The following ARHGAP15 variants were observed in gnomAD, a reference collection of about 807,000 sequenced individuals.
ARHGAP15 encodes the protein rho GTPase-activating protein 15.
Under a neutral mutation model 63.7 loss-of-function variants are expected in ARHGAP15, and 51 were observed. The ratio of observed to expected loss-of-function variants is 0.80; its 90% CI spans 0.64 to 1.01. The LOEUF is 1.01. ARHGAP15 is among the 50% of genes least tolerant of loss of function. ARHGAP15 has a pLI of 0.00. For missense variants in ARHGAP15, 560 were observed against 564.6 expected, an observed-to-expected ratio of 0.99 and a Z score of 0.08; for synonymous variants, 191 against 193.8, an observed-to-expected ratio of 0.99 and a Z score of 0.12.
chr2:143,666,317 G>A (rs1178316902), intron 12 of ARHGAP15, among the ~76,000 whole-genome samples: 1 of 151,674 alleles, frequency 6.6e-6, no homozygotes, highest in Admixed American at 6.6e-5. Context: ...AAGCAATGGG[G>A]AAAGGATTCC....
At chr2:143,484,432 T>C (rs1692227480) in intron 8 of ARHGAP15, among the ~76,000 whole-genome samples, 1 of 151,820 alleles carries the variant, frequency 6.6e-6, no homozygotes, top group Non-Finnish European at 1.5e-5. Flanking sequence ...CTCGGGAGGC[T>C]GAGGCACGAG....
intron 6 of ARHGAP15, among the ~76,000 whole-genome samples, chr2:143,294,069 C>T (rs1362907215): frequency 6.6e-6 from 1 of 151,994 alleles, no homozygotes; most frequent in Admixed American, 6.6e-5. Flanking sequence ...TGATCATCTC[C>T]TCTAAGCCCT....
At chr2:143,469,733 T>G (rs1691425293) in intron 8 of ARHGAP15, among the ~76,000 whole-genome samples, 1 of 152,256 alleles carries the variant, frequency 6.6e-6, no homozygotes. Flanking sequence ...ACAAATTTTA[T>G]ATTGCTTCCA....
At position 143,606,065 on chromosome 2, in the gene ARHGAP15, AAAAAAG is replaced by A. The variant is rs1276576641; in HGVS notation, c.1004-18067_1004-18062del. 1.4e-3 allele frequency among the ~76,000 whole-genome samples: 61 copies of A among 45,074 alleles called. 9 individuals are homozygous for A. Among genetic ancestry groups the A allele is most frequent in the Middle Eastern group, 0.011 (1 of 88 alleles). The allele number at this position is 45,074 out of a possible 152,430, so 29.6% of individuals were successfully genotyped here. A position where few individuals can be genotyped will look rare whatever the true frequency, so the allele number is the denominator to read the frequency against. ...AAAAAAAAAAAAAAAAAAAAAAAAA[AAAAAAG>A]CCATACATCTGTCTCTTTCGCTACC... On this transcript the variant is annotated intron_variant, in intron 11 of 13. Coordinates refer to ENST00000295095, the MANE Select transcript of ARHGAP15 (RefSeq NM_018460.4).
chr2:143,209,393 T>G (rs1041751283), intron 3 of ARHGAP15, among the ~76,000 whole-genome samples: 1 of 152,170 alleles, frequency 6.6e-6, no homozygotes, highest in Non-Finnish European at 1.5e-5. Flanking sequence ...TGTATATTAA[T>G]TCAAGTATTT....
At chr2:143,688,976 G>GT (rs1204016042) in intron 12 of ARHGAP15, among the ~76,000 whole-genome samples, 1 of 152,082 alleles carries the variant, frequency 6.6e-6, no homozygotes, top group East Asian at 1.9e-4. Flanking sequence ...TATTGAGGTA[G>GT]TTTTTTAACT....
rs560595071 is a variant in ARHGAP15, at chr2:143,144,353, C to T, written c.-14-11124C>T. On this transcript the variant is annotated intron_variant, in intron 1 of 13. Transcript: ENST00000295095. ...CATACTGTCTTTTACAATGGTTAAA[C>T]TAATTTGTACTCCCACCAACAGTGT... Among the ~76,000 whole-genome samples the T allele has an allele frequency of 7.2e-5, 11 of 152,106 alleles. No homozygotes were observed. In the South Asian group the frequency reaches 2.3e-3, roughly 32 times the overall value.
chr2:143,290,869 C>T (rs1340741044), intron 6 of ARHGAP15, among the ~76,000 whole-genome samples: 3 of 152,018 alleles, frequency 2.0e-5, no homozygotes, highest in South Asian at 2.1e-4. Flanking sequence ...GTATGATAGC[C>T]GGCAGCAGGT....
At chr2:143,346,210 ACACTCTCTCTCACACACACTCT>A (rs1558909579) in intron 6 of ARHGAP15, among the ~76,000 whole-genome samples, 16 of 134,054 alleles carry the variant, frequency 1.2e-4, no homozygotes, top group Non-Finnish European at 3.2e-5. Flanking sequence ...TCTCACACAC[ACACTCTCTCTCACACACACTCT>A]CTCTCACACA....
intron 5 of ARHGAP15, among the ~76,000 whole-genome samples, chr2:143,239,822 C>T (rs1372803945): frequency 6.6e-6 from 1 of 151,826 alleles, no homozygotes; most frequent in African/African-American, 2.4e-5. Context: ...GAAACCCCAT[C>T]TCTACTAAAA....
intron 9 of ARHGAP15, among the ~76,000 whole-genome samples, chr2:143,488,386 T>A (rs1236975456): frequency 6.6e-6 from 1 of 152,226 alleles, no homozygotes; most frequent in African/African-American, 2.4e-5. Context: ...AACCAGTGAT[T>A]AGTATATTTC....
intron 6 of ARHGAP15, among the ~76,000 whole-genome samples, chr2:143,395,982 C>CA (rs1403579411): frequency 1.3e-5 from 2 of 151,988 alleles, no homozygotes; most frequent in Non-Finnish European, 2.9e-5. Context: ...TGATGCTAGT[C>CA]AAAATCAGAA....
rs900879361 is a variant in ARHGAP15 at position 143,363,247 on chromosome 2, TAG to T, written c.475-72352_475-72351del. The stretch of plus-strand genomic sequence containing the variant: ...TTTTGTCCCTACTGTTTCTTCTGTC[TAG>T]AAAACTCTTGCCCAGGTGGGGTGGC... On this transcript the variant is annotated intron_variant, in intron 6 of 13. Transcript: ENST00000295095. Among the ~76,000 whole-genome samples, 18 of 152,142 alleles carry T rather than the reference TAG, an allele frequency of 1.2e-4. 1 individual carries two copies. Among genetic ancestry groups the T allele is most frequent in the Admixed American group, 8.5e-4 (13 of 15,278 alleles).
chr2:143,756,527 A>G (rs1232584824), intron 13 of ARHGAP15, among the ~76,000 whole-genome samples: 1 of 152,148 alleles, frequency 6.6e-6, no homozygotes. Context: ...TGTTGATATT[A>G]TCAGTGGTTA....
At position 143,296,992 on chromosome 2, in the gene ARHGAP15, T is replaced by G. The variant is rs572154271; in HGVS notation, c.474+46392T>G. Among the ~76,000 whole-genome samples, 3 of 152,106 alleles carry G rather than the reference T, an allele frequency of 2.0e-5. No homozygotes were observed. In the South Asian group the frequency reaches 6.2e-4, roughly 32 times the overall value. ...TTTTTTCCTTAGGTTATATGCTTATTTGTATTTCTTCTACCTGAGAAATCA... is the reference window on the plus strand; with the variant it reads ...TTTTTTCCTTAGGTTATATGCTTATGTGTATTTCTTCTACCTGAGAAATCA... On this transcript the variant is annotated intron_variant, in intron 6 of 13. Coordinates refer to ENST00000295095, the MANE Select transcript of ARHGAP15 (RefSeq NM_018460.4).
chr2:143,463,011 C>T (rs778475008), intron 8 of ARHGAP15, among the ~76,000 whole-genome samples: 2 of 152,146 alleles, frequency 1.3e-5, no homozygotes, highest in Non-Finnish European at 2.9e-5. Flanking sequence ...TCCTGTGGCC[C>T]AGGATGGCTT....
chr2:143,736,361 A>G (rs1574910378), intron 13 of ARHGAP15, among the ~76,000 whole-genome samples: 1 of 151,292 alleles, frequency 6.6e-6, no homozygotes, highest in African/African-American at 2.4e-5. Context: ...GTACCACTGC[A>G]CTCCAGCCTG....
At position 143,763,712 on chromosome 2, in the gene ARHGAP15, G is replaced by GTATGTATATGTATGTA. The variant is rs1328513652; in HGVS notation, c.1245-4241_1245-4226dup. ...TGTATATGTATGTGTATGTATATGT[G>GTATGTATATGTATGTA]TATGTATATGTATGTATATGTATAT... is the stretch of plus-strand genomic sequence containing the variant. On this transcript the variant is annotated intron_variant, in intron 13 of 13. Transcript: ENST00000295095. Among the ~76,000 whole-genome samples, 67 of 141,588 alleles carry GTATGTATATGTATGTA rather than the reference G, an allele frequency of 4.7e-4. No individual in the cohort carries two copies. In the South Asian group the frequency reaches 5.7e-3, roughly 12 times the overall value. 92.9% of individuals were successfully genotyped at this position (141,588 alleles called of 152,430 possible). A position where few individuals can be genotyped will look rare whatever the true frequency, so the allele number is the denominator to read the frequency against.
At chr2:143,575,815 C>T (rs1450205798) in intron 11 of ARHGAP15, among the ~76,000 whole-genome samples, 1 of 152,090 alleles carries the variant, frequency 6.6e-6, no homozygotes, top group Non-Finnish European at 1.5e-5. Context: ...CACAGCAACC[C>T]ATATTGTATT....
Sources: gnomAD v4.1 joint callset for allele counts (sites outside exome capture counted in the v4.1 genomes callset) on GRCh38, gnomAD v4.1.1 for gene constraint, MANE v1.5 for transcripts, NCBI Gene and HGNC (gene_info 2026-07-23, HGNC 2026-07-21) for gene names.